Variants in ANO3 observed in about 807,000 individuals in gnomAD.
ANO3 encodes anoctamin 3.
ANO3 carries 99 observed loss-of-function variants against 144.8 expected under a neutral mutation model. That is an observed-to-expected ratio of 0.68 (90% CI 0.58 to 0.81). The LOEUF is 0.81. Ranked by LOEUF, ANO3 falls within the 30% of genes least tolerant of loss-of-function variation. The pLI, the probability that ANO3 is intolerant of heterozygous loss-of-function variation, is 0.00. For missense variants in ANO3, 905 were observed against 1,202.2 expected (o/e 0.75, Z 3.66); for synonymous variants, 414 against 392.6 (o/e 1.05, Z -0.64).
At chr11:26,302,441 G>A (rs1200119501) in intron 1 of ANO3, among the ~76,000 whole-genome samples, 2 of 152,178 alleles carry the variant, frequency 1.3e-5, no homozygotes, top group African/African-American at 2.4e-5. Context: ...GTTGCAGTGA[G>A]GTGAGATGGC....
chr11:26,530,669 G>A (rs1849347175), intron 7 of ANO3, among the ~76,000 whole-genome samples: 2 of 151,638 alleles, frequency 1.3e-5, no homozygotes, highest in Admixed American at 6.6e-5. Flanking sequence ...GACCTTCCTG[G>A]CCAACATGGT....
At chr11:26,403,152 C>A (rs1310868370) in intron 1 of ANO3, among the ~76,000 whole-genome samples, 1 of 151,902 alleles carries the variant, frequency 6.6e-6, no homozygotes, top group East Asian at 1.9e-4. Flanking sequence ...CCTGTATTTT[C>A]TGTAACTTGA....
At chr11:26,298,428 A>T (rs1371380795) in intron 1 of ANO3, among the ~76,000 whole-genome samples, 1 of 152,204 alleles carries the variant, frequency 6.6e-6, no homozygotes, top group African/African-American at 2.4e-5. Flanking sequence ...GTCCCTACAC[A>T]TGGAAATATG....
intron 26 of ANO3, among the ~76,000 whole-genome samples, chr11:26,657,455 T>A (rs1379617686): frequency 6.6e-6 from 1 of 152,136 alleles, no homozygotes; most frequent in East Asian, 1.9e-4. Flanking sequence ...GTGTTTTTAT[T>A]TACACTTCTC....
chr11:26,235,002 AAG>A lies in ANO3; in HGVS notation c.154+45694_154+45695del, dbSNP rs10694750. ...GTTAGACAGAGAGAGAGAGAAAAGA[AAG>A]AGAGAGAGAGAGAGAGAGAGATGAG... On this transcript the variant is annotated intron_variant, in intron 1 of 27. Coordinates refer to the ANO3 transcript ENST00000672621. Among the ~76,000 whole-genome samples the A allele has an allele frequency of 2.7e-4, 38 of 139,998 alleles. 1 individual carries two copies. The highest frequency in any genetic ancestry group is 3.2e-4 in the Non-Finnish European group (20 of 63,404). 91.8% of individuals were successfully genotyped at this position (139,998 alleles called of 152,430 possible). A position where few individuals can be genotyped will look rare whatever the true frequency, so the allele number is the denominator to read the frequency against.
intron 1 of ANO3, chr11:26,309,811 G>A: frequency 1.8e-6 from 1 of 548,302 alleles, no homozygotes; most frequent in South Asian, 7.9e-5. Context: ...CAGGGGGGGT[G>A]AAAATTTAAC....
chr11:26,404,933 A>ATATGTG (rs1224434117), intron 1 of ANO3, among the ~76,000 whole-genome samples: 34 of 146,274 alleles, frequency 2.3e-4, no homozygotes, highest in African/African-American at 4.3e-4. Context: ...ATTTATATAT[A>ATATGTG]TGTGTGTGTG....
chr11:26,518,763 A>C (rs1342454813), intron 6 of ANO3, among the ~76,000 whole-genome samples: 1 of 151,928 alleles, frequency 6.6e-6, no homozygotes, highest in Non-Finnish European at 1.5e-5. Context: ...TTAAATATAA[A>C]ATTTTAAATA....
chr11:26,507,653 T>C (rs1245844404), intron 4 of ANO3, among the ~76,000 whole-genome samples: 2 of 152,222 alleles, frequency 1.3e-5, no homozygotes, highest in Non-Finnish European at 2.9e-5. Flanking sequence ...TTAGTGTCTT[T>C]ATCTTTGAAA....
chr11:26,345,759 T>C (rs1239617543), intron 1 of ANO3, among the ~76,000 whole-genome samples: 2 of 152,222 alleles, frequency 1.3e-5, no homozygotes, highest in Non-Finnish European at 2.9e-5. Context: ...ATGGGAGAAT[T>C]TGTAATTTAA....
intron 1 of ANO3, among the ~76,000 whole-genome samples, chr11:26,407,047 G>GGT (rs372391349): frequency 0.16 from 17,753 of 108,224 alleles, 1,683 homozygotes; most frequent in Middle Eastern, 0.22. Flanking sequence ...TATATATATG[G>GGT]GTGTGTGTGT....
At chr11:26,324,238 A>G (rs1341427813) in intron 1 of ANO3, among the ~76,000 whole-genome samples, 1 of 152,220 alleles carries the variant, frequency 6.6e-6, no homozygotes, top group Non-Finnish European at 1.5e-5. Flanking sequence ...AAGTTTTGAC[A>G]TATTTTTGGA....
chr11:26,609,499 A>G (rs1852032827), intron 17 of ANO3, among the ~76,000 whole-genome samples: 4 of 151,558 alleles, frequency 2.6e-5, no homozygotes, highest in Admixed American at 2.6e-4. Flanking sequence ...GGATTCACAT[A>G]TCCTGCAGGT....
intron 18 of ANO3, among the ~76,000 whole-genome samples, chr11:26,628,601 G>A (rs1298486194): frequency 1.3e-5 from 2 of 152,172 alleles, no homozygotes; most frequent in Admixed American, 1.3e-4. Context: ...TCCTGGCAGC[G>A]TAGAACCTAA....
intron 1 of ANO3, among the ~76,000 whole-genome samples, chr11:26,339,627 C>CA (rs1273454037): frequency 1.3e-5 from 2 of 152,146 alleles, no homozygotes; most frequent in African/African-American, 4.8e-5. Context: ...AAAATAATAT[C>CA]AGAGTTCAGG....
At chr11:26,278,298 A>G (rs1233515706) in intron 1 of ANO3, among the ~76,000 whole-genome samples, 1 of 152,242 alleles carries the variant, frequency 6.6e-6, no homozygotes, top group East Asian at 1.9e-4. Flanking sequence ...CCACCCACCT[A>G]TTAATCTTGA....
In ANO3 at chr11:26,190,808, C is replaced by T. The variant is rs72470835; in HGVS notation, c.154+1478C>T. On this transcript the variant is annotated intron_variant, in intron 1 of 27. Coordinates refer to the ANO3 transcript ENST00000672621. ...CTATGAACAGCCTAGAAGACACTTC[C>T]ACCTTGCTATTCTGGCTATGCCTCA... Among the ~76,000 whole-genome samples, 133 of 152,256 alleles carry T rather than the reference C, an allele frequency of 8.7e-4. 2 individuals carry two copies. The East Asian group carries it at 0.023, about 26-fold the overall frequency.
chr11:26,370,540 C>T (rs1009956387), intron 1 of ANO3, among the ~76,000 whole-genome samples: 1 of 152,070 alleles, frequency 6.6e-6, no homozygotes, highest in Non-Finnish European at 1.5e-5. Flanking sequence ...GAGGTTGCAA[C>T]AGTTTGGAGG....
chr11:26,202,307 ATATATC>A (rs1357338446), intron 1 of ANO3, among the ~76,000 whole-genome samples: 2 of 145,934 alleles, frequency 1.4e-5, no homozygotes, highest in Non-Finnish European at 3.0e-5. Flanking sequence ...TACATATTAT[ATATATC>A]ATATAGATAC....
Sources: gnomAD v4.1 joint callset for allele counts (sites outside exome capture counted in the v4.1 genomes callset) on GRCh38, gnomAD v4.1.1 for gene constraint, MANE v1.5 for transcripts, NCBI Gene and HGNC (gene_info 2026-07-23, HGNC 2026-07-21) for gene names.